ESRRB: variants seen among roughly 807,000 people sequenced by gnomAD.
ESRRB encodes the protein steroid hormone receptor ERR2.
Under a neutral mutation model 46.0 loss-of-function variants are expected in ESRRB, and 16 were observed. The ratio of observed to expected loss-of-function variants is 0.35; its 90% CI spans 0.24 to 0.53. The LOEUF (loss-of-function observed/expected upper bound fraction) is 0.53. Ranked by LOEUF, ESRRB falls within the 20% of genes least tolerant of loss-of-function variation. The pLI, the probability that ESRRB is intolerant of heterozygous loss-of-function variation, is 0.93. For synonymous variants in ESRRB, 246 were observed against 259.6 expected, an observed-to-expected ratio of 0.95 and a Z score of 0.50; for missense variants, 488 against 607.4, an observed-to-expected ratio of 0.80 and a Z score of 2.07.
intron 1 of ESRRB, among the ~76,000 whole-genome samples, chr14:76,425,262 AATACTT>A (rs112663799): frequency 1.3e-4 from 20 of 152,256 alleles, no homozygotes; most frequent in African/African-American, 4.8e-4. Context: ...AGAGGGAAGA[AATACTT>A]TTACTTTTCA....
chr14:76,462,796 C>A, intron 3 of ESRRB, 135 bp downstream of exon 3: 1 of 764,768 alleles, frequency 1.3e-6, no homozygotes, highest in Non-Finnish European at 2.4e-6. Flanking sequence ...TCTCCTCCCA[C>A]ACCCTGCCAG....
At chr14:76,480,557 G>A (rs558265632) in intron 3 of ESRRB, among the ~76,000 whole-genome samples, 2 of 152,306 alleles carry the variant, frequency 1.3e-5, no homozygotes, top group South Asian at 4.1e-4. Context: ...GAAACAGCCA[G>A]AAAATAGCCC....
chr14:76,440,012 C>T (rs896750222), intron 2 of ESRRB, among the ~76,000 whole-genome samples: 6 of 152,120 alleles, frequency 3.9e-5, no homozygotes, highest in African/African-American at 7.2e-5. Flanking sequence ...AGAAAATCCA[C>T]AGGAATGCCA....
At chr14:76,445,681 A>T (rs867878778) in intron 2 of ESRRB, among the ~76,000 whole-genome samples, 2 of 148,080 alleles carry the variant, frequency 1.4e-5, no homozygotes, top group Non-Finnish European at 3.0e-5. Flanking sequence ...CTTCTCCACC[A>T]ATCTTTTTTT....
intron 1 of ESRRB, among the ~76,000 whole-genome samples, chr14:76,432,257 C>A (rs893104315): frequency 3.3e-5 from 5 of 152,216 alleles, no homozygotes; most frequent in African/African-American, 1.2e-4. Context: ...GAGCATCCAG[C>A]AGTGCTGGGA....
In ESRRB at chr14:76,432,673, T is replaced by C. The variant is rs867302334; in HGVS notation, c.51-6668T>C. Among the ~76,000 whole-genome samples the C allele has an allele frequency of 2.7e-4, 29 of 105,898 alleles. 1 individual carries two copies. Among genetic ancestry groups the C allele is most frequent in the South Asian group, 6.8e-4 (2 of 2,956 alleles). The allele number at this position is 105,898 out of a possible 152,430, so 69.5% of individuals were successfully genotyped here. A position where few individuals can be genotyped will look rare whatever the true frequency, so the allele number is the denominator to read the frequency against. ...CTGAATAAGCTATTTCTCTCTCTCT[T>C]TTTTTTTTTTTTTTTTTTCTGAGAC... On this transcript the variant is annotated intron_variant, in intron 1 of 6. Transcript: ENST00000644823.
At chr14:76,445,581 A>G (rs1270444040) in intron 2 of ESRRB, among the ~76,000 whole-genome samples, 12 of 152,016 alleles carry the variant, frequency 7.9e-5, no homozygotes, top group African/African-American at 1.2e-4. Context: ...CTTCTGCGCA[A>G]TCCAATGGTT....
At chr14:76,479,606 G>C (rs185617526) in intron 3 of ESRRB, among the ~76,000 whole-genome samples, 120 of 152,210 alleles carry the variant, frequency 7.9e-4, no homozygotes, top group Non-Finnish European at 1.5e-3. Flanking sequence ...GAGAGCCCAG[G>C]AGCAGGAAAC....
chr14:76,322,100 T>C (rs1026089064), intron 1 of ESRRB, among the ~76,000 whole-genome samples: 2 of 152,126 alleles, frequency 1.3e-5, no homozygotes, highest in African/African-American at 4.8e-5. Flanking sequence ...ATTTTCAAAG[T>C]TTTCATCTTT....
At chr14:76,462,447 C>G in intron 2 of ESRRB, 98 bp from the exon 3 acceptor site, 1 of 867,298 alleles carries the variant, frequency 1.2e-6, no homozygotes. Context: ...GGAGTGGCAG[C>G]TCTGGCAAAT....
rs538306665 is a variant in ESRRB, at chr14:76,316,271, G to A, written c.2+5355G>A. 1.5e-4 allele frequency among the ~76,000 whole-genome samples: 23 copies of A among 152,266 alleles called. No individual in the cohort carries two copies. In the South Asian group the frequency reaches 2.9e-3, roughly 19 times the overall value. The stretch of plus-strand genomic sequence containing the variant: ...GTTCCCATGCAGGGACTCACGATGC[G>A]GCCAGGCAATGCTCTCTCTTCCTTT... On this transcript the variant is annotated intron_variant, in intron 1 of 6. Coordinates refer to the ESRRB transcript ENST00000512784.
chr14:76,383,372 A>G (rs934002364), intron 1 of ESRRB, among the ~76,000 whole-genome samples: 1 of 150,876 alleles, frequency 6.6e-6, no homozygotes, highest in Non-Finnish European at 1.5e-5. Context: ...CATCTGGCTT[A>G]TGCTTTAAAA....
chr14:76,416,487 GA>G (rs1178788512), intron 1 of ESRRB, among the ~76,000 whole-genome samples: 2 of 151,146 alleles, frequency 1.3e-5, no homozygotes, highest in Non-Finnish European at 2.9e-5. Flanking sequence ...CTCTTTTTTT[GA>G]GATGGAGTGT....
At chr14:76,322,253 T>C (rs1045965717) in intron 1 of ESRRB, among the ~76,000 whole-genome samples, 1 of 152,212 alleles carries the variant, frequency 6.6e-6, no homozygotes, top group African/African-American at 2.4e-5. Context: ...AGGTCAGCCC[T>C]CTGTTAATCA....
intron 6 of ESRRB, among the ~76,000 whole-genome samples, chr14:76,495,109 C>A (rs969532395): frequency 1.3e-5 from 2 of 152,098 alleles, no homozygotes; most frequent in Non-Finnish European, 2.9e-5. Flanking sequence ...CACATATGTG[C>A]ATGCACATAC....
intron 1 of ESRRB, among the ~76,000 whole-genome samples, chr14:76,434,497 A>C (rs1440542679): frequency 1.3e-5 from 2 of 151,902 alleles, no homozygotes; most frequent in African/African-American, 2.4e-5. Flanking sequence ...CCAAAAAAAA[A>C]CAGAATACAA....
intron 1 of ESRRB, among the ~76,000 whole-genome samples, chr14:76,401,313 C>CT (rs1189136273): frequency 6.6e-6 from 1 of 152,184 alleles, no homozygotes; most frequent in African/African-American, 2.4e-5. Context: ...CAGGGAACAC[C>CT]TCAGTGTCAC....
At chr14:76,351,146 C>G (rs1469787527) in intron 1 of ESRRB, among the ~76,000 whole-genome samples, 1 of 152,174 alleles carries the variant, frequency 6.6e-6, no homozygotes, top group Non-Finnish European at 1.5e-5. Context: ...GAAAAAGAAC[C>G]TGGATGAGGG....
intron 1 of ESRRB, among the ~76,000 whole-genome samples, chr14:76,318,229 CT>C (rs1883824872): frequency 6.6e-6 from 1 of 152,136 alleles, no homozygotes; most frequent in Non-Finnish European, 1.5e-5. Flanking sequence ...TCCAGGTTTG[CT>C]AAAAGTCCTT....
Sources: allele counts gnomAD v4.1 joint callset (sites outside exome capture counted in the v4.1 genomes callset), GRCh38; gene constraint gnomAD v4.1.1; transcripts MANE v1.5; gene names NCBI Gene and HGNC (gene_info 2026-07-23, HGNC 2026-07-21).